ADGRB3: variants seen among roughly 807,000 people sequenced by gnomAD.
ADGRB3 encodes brain-specific angiogenesis inhibitor 3.
A neutral mutation model predicts 193.4 loss-of-function variants in ADGRB3; 37 were observed. The ratio of observed to expected loss-of-function variants is 0.19; its 90% CI spans 0.15 to 0.25. The LOEUF is 0.25. Ranked by LOEUF, ADGRB3 falls within the 10% of genes least tolerant of loss-of-function variation. ADGRB3 has a pLI of 1.00. For missense variants in ADGRB3, 1,637 were observed against 1,852.9 expected (o/e 0.88, Z 2.14); for synonymous variants, 690 against 644.2 (o/e 1.07, Z -1.08).
At chr6:68,703,289 C>T (rs1765272755) in intron 3 of ADGRB3, among the ~76,000 whole-genome samples, 1 of 152,030 alleles carries the variant, frequency 6.6e-6, no homozygotes, top group Non-Finnish European at 1.5e-5. Context: ...TTTTGCTTCC[C>T]TTAATTTGGT....
chr6:69,223,772 T>C (rs932193268), intron 17 of ADGRB3, among the ~76,000 whole-genome samples: 2 of 150,416 alleles, frequency 1.3e-5, no homozygotes, highest in African/African-American at 4.9e-5. Flanking sequence ...TCTTTCTACA[T>C]TAACCTCAAA....
At chr6:68,782,561 A>G (rs945700716) in intron 3 of ADGRB3, among the ~76,000 whole-genome samples, 2 of 152,112 alleles carry the variant, frequency 1.3e-5, no homozygotes, top group Admixed American at 6.6e-5. Context: ...GACTTCCACA[A>G]TGGTTGAACT....
chr6:68,659,663 C>T (rs1051231462), intron 3 of ADGRB3, among the ~76,000 whole-genome samples: 4 of 150,612 alleles, frequency 2.7e-5, no homozygotes, highest in African/African-American at 7.3e-5. Flanking sequence ...TAAATTACTC[C>T]AGAATTCTTA....
intron 3 of ADGRB3, among the ~76,000 whole-genome samples, chr6:68,737,599 CTG>C (rs1468679630): frequency 6.6e-6 from 1 of 152,042 alleles, no homozygotes; most frequent in Non-Finnish European, 1.5e-5. Flanking sequence ...AGTGGAGTGA[CTG>C]TAGAGACCCA....
At chr6:68,877,308 A>G (rs1765620185) in intron 3 of ADGRB3, among the ~76,000 whole-genome samples, 1 of 152,078 alleles carries the variant, frequency 6.6e-6, no homozygotes, top group Non-Finnish European at 1.5e-5. Flanking sequence ...GCATTTGAGA[A>G]CAGTTATAGA....
intron 11 of ADGRB3, among the ~76,000 whole-genome samples, chr6:69,003,367 A>G (rs1769642498): frequency 6.6e-6 from 1 of 152,164 alleles, no homozygotes. Context: ...TTATGGAAGA[A>G]AAGGGCAGGG....
At chr6:69,031,118 C>T (rs1369880039) in intron 13 of ADGRB3, among the ~76,000 whole-genome samples, 1 of 124,488 alleles carries the variant, frequency 8.0e-6, no homozygotes, top group Non-Finnish European at 1.6e-5. Flanking sequence ...TCTCTTCTCT[C>T]TCTTCTCTCT....
intron 30 of ADGRB3, among the ~76,000 whole-genome samples, chr6:69,375,261 G>A (rs1769790736): frequency 6.6e-6 from 1 of 152,116 alleles, no homozygotes; most frequent in Admixed American, 6.6e-5. Context: ...TTAAAAAGAT[G>A]AGTATGTCAG....
intron 17 of ADGRB3, among the ~76,000 whole-genome samples, chr6:69,208,939 C>T (rs1765597786): frequency 1.3e-5 from 2 of 152,138 alleles, no homozygotes; most frequent in African/African-American, 2.4e-5. Flanking sequence ...ATTCAGTTTC[C>T]ACCAAAGCGC....
chr6:69,100,902 A>G (rs9454694), intron 17 of ADGRB3, among the ~76,000 whole-genome samples: 8 of 3,910 alleles, frequency 2.0e-3, no homozygotes, highest in East Asian at 7.5e-3. Flanking sequence ...AGGAAGGAAG[A>G]AGCGAGGGAG....
At chr6:69,313,219 A>G (rs1318553643) in intron 20 of ADGRB3, among the ~76,000 whole-genome samples, 1 of 151,880 alleles carries the variant, frequency 6.6e-6, no homozygotes, top group Non-Finnish European at 1.5e-5. Context: ...TCAGAATCTC[A>G]GGGAATAGCA....
chr6:68,906,456 T>A (rs9446065), intron 3 of ADGRB3, among the ~76,000 whole-genome samples: 3,665 of 152,056 alleles, frequency 0.024, 139 homozygotes, highest in African/African-American at 0.082. Context: ...TAATCATACA[T>A]CATTGACCAT....
chr6:69,298,991 T>G (rs1269576691), intron 20 of ADGRB3, among the ~76,000 whole-genome samples: 1 of 151,916 alleles, frequency 6.6e-6, no homozygotes, highest in Non-Finnish European at 1.5e-5. Flanking sequence ...GAATTTACAC[T>G]CCCAATAACA....
chr6:69,194,714 T>A (rs1765262690), intron 17 of ADGRB3, among the ~76,000 whole-genome samples: 1 of 152,128 alleles, frequency 6.6e-6, no homozygotes, highest in South Asian at 2.1e-4. Flanking sequence ...AAACGTATTA[T>A]TATTAGAGCC....
At chr6:69,251,008 A>G (rs1204835476) in intron 20 of ADGRB3, among the ~76,000 whole-genome samples, 1 of 151,970 alleles carries the variant, frequency 6.6e-6, no homozygotes. Flanking sequence ...CTTTCTGTAT[A>G]TTTCTGTCAC....
intron 3 of ADGRB3, among the ~76,000 whole-genome samples, chr6:68,641,608 A>G (rs1468964516): frequency 6.6e-6 from 1 of 152,200 alleles, no homozygotes; most frequent in Non-Finnish European, 1.5e-5. Context: ...TATTCTGTAC[A>G]TTCTGAATTT....
intron 3 of ADGRB3, among the ~76,000 whole-genome samples, chr6:68,882,832 G>C (rs983811787): frequency 6.6e-5 from 10 of 151,980 alleles, no homozygotes; most frequent in Admixed American, 3.3e-4. Flanking sequence ...TATTTCCCTG[G>C]AAGACCAACT....
At chr6:69,360,523 C>T (rs1423663369) in intron 28 of ADGRB3, among the ~76,000 whole-genome samples, 2 of 151,876 alleles carry the variant, frequency 1.3e-5, no homozygotes, top group South Asian at 2.1e-4. Flanking sequence ...CTTTGGAGCA[C>T]ATTGATGGAG....
In ADGRB3 at chr6:69,152,650, T is replaced by G. The variant is rs539147687; in HGVS notation, c.2480+76612T>G. ...AATCCACATGTGTTAAGTGCCTAAA[T>G]ACATAAGTAGAACTGAGTATATGCT... On this transcript the variant is annotated intron_variant, in intron 17 of 31. Transcript: ENST00000370598. Among the ~76,000 whole-genome samples the G allele has an allele frequency of 6.6e-5, 10 of 152,316 alleles. 1 individual carries two copies. The highest frequency in any genetic ancestry group is 2.2e-4 in the African/African-American group (9 of 41,582).
Sources: gnomAD v4.1 joint callset for allele counts (sites outside exome capture counted in the v4.1 genomes callset) on GRCh38, gnomAD v4.1.1 for gene constraint, MANE v1.5 for transcripts, NCBI Gene and HGNC (gene_info 2026-07-23, HGNC 2026-07-21) for gene names.